Variants in IGFL2 observed in about 807,000 individuals in gnomAD.
IGFL2 encodes insulin growth factor-like family member 2.
A neutral mutation model predicts 13.9 loss-of-function variants in IGFL2; 7 were observed. The ratio of observed to expected loss-of-function variants is 0.51; its 90% CI spans 0.29 to 0.95. The LOEUF is 0.95. Among genes scored for constraint, IGFL2 ranks in the 40% least tolerant of loss-of-function variants. The pLI is 0.08. For synonymous variants in IGFL2, 55 were observed against 55.8 expected (o/e 0.99, Z 0.07); for missense variants, 138 against 147.8 (o/e 0.93, Z 0.34).
chr19:46,121,224 A>C, the IGFL2 span, among the ~76,000 whole-genome samples: 45 of 149,438 alleles, frequency 3.0e-4, 1 homozygote, highest in Admixed American at 5.3e-4. Flanking sequence ...CCAAAAAAAA[A>C]CCAAAAAACC....
At chr19:46,112,393 T>A in the IGFL2 span, among the ~76,000 whole-genome samples, 1 of 152,164 alleles carries the variant, frequency 6.6e-6, no homozygotes, top group Non-Finnish European at 1.5e-5. Context: ...GACCCTGTTT[T>A]TCCAATGAGA....
chr19:46,144,755 C>T (rs1042099649), upstream of IGFL2, among the ~76,000 whole-genome samples: 5 of 152,196 alleles, frequency 3.3e-5, no homozygotes, highest in South Asian at 6.2e-4. Flanking sequence ...CATGTAGTCA[C>T]GATCAAAATC....
chr19:46,105,565 T>C, the IGFL2 span, among the ~76,000 whole-genome samples: 95,886 of 151,930 alleles, frequency 0.63, 30,690 homozygotes, highest in Middle Eastern at 0.67. Context: ...TGTGGGAGGC[T>C]GGATTGAAGT....
the IGFL2 span, among the ~76,000 whole-genome samples, chr19:46,205,948 A>G: frequency 3.9e-5 from 6 of 152,310 alleles, no homozygotes; most frequent in Middle Eastern, 3.4e-3. Flanking sequence ...CCAGATGTGC[A>G]TTGGAGGTGA....
chr19:46,169,199 C>T, the IGFL2 span, among the ~76,000 whole-genome samples: 8 of 152,022 alleles, frequency 5.3e-5, no homozygotes, highest in Non-Finnish European at 1.2e-4. Context: ...GAGCATGACT[C>T]TATCTCTAAA....
chr19:46,188,709 C>T, the IGFL2 span, among the ~76,000 whole-genome samples: 1 of 152,208 alleles, frequency 6.6e-6, no homozygotes, highest in Non-Finnish European at 1.5e-5. Context: ...CATCTGACAG[C>T]ACTTCAGATG....
the IGFL2 span, among the ~76,000 whole-genome samples, chr19:46,086,026 G>A: frequency 1.3e-5 from 2 of 151,960 alleles, no homozygotes; most frequent in Non-Finnish European, 2.9e-5. Flanking sequence ...CTTTGTTTTT[G>A]TCTGACTAGG....
the IGFL2 span, among the ~76,000 whole-genome samples, chr19:46,177,931 G>A: frequency 6.6e-6 from 1 of 152,156 alleles, no homozygotes; most frequent in Non-Finnish European, 1.5e-5. Flanking sequence ...CACCCCTTGT[G>A]TTCAATCCCT....
intron 1 of IGFL2, chr19:46,160,120 C>T (rs1974067522): frequency 2.3e-6 from 1 of 440,130 alleles, no homozygotes; most frequent in Non-Finnish European, 4.2e-6. Flanking sequence ...TAATCTTTAA[C>T]AGCTGCTCCC....
At chr19:46,176,358 GAAGT>G in the IGFL2 span, among the ~76,000 whole-genome samples, 1 of 152,234 alleles carries the variant, frequency 6.6e-6, no homozygotes, top group East Asian at 1.9e-4. Context: ...GGAAACAGCA[GAAGT>G]AAGTAACAAG....
chr19:46,131,374 T>C, the IGFL2 span, among the ~76,000 whole-genome samples: 2 of 152,216 alleles, frequency 1.3e-5, no homozygotes, highest in Non-Finnish European at 1.5e-5. Context: ...CTCGACAATA[T>C]TTGTGCAGTC....
the IGFL2 span, among the ~76,000 whole-genome samples, chr19:46,175,102 C>G: frequency 6.6e-6 from 1 of 152,086 alleles, no homozygotes; most frequent in Non-Finnish European, 1.5e-5. Context: ...ATATATTCCT[C>G]CCAGAGAAGT....
the IGFL2 span, among the ~76,000 whole-genome samples, chr19:46,182,070 G>A: frequency 2.6e-5 from 4 of 152,152 alleles, no homozygotes; most frequent in South Asian, 2.1e-4. Flanking sequence ...GGTATTTTCA[G>A]TGGATAAAGA....
the IGFL2 span, among the ~76,000 whole-genome samples, chr19:46,118,002 T>C: frequency 6.6e-6 from 1 of 152,174 alleles, no homozygotes; most frequent in Admixed American, 6.5e-5. Flanking sequence ...GGGCTAATAA[T>C]CTACTGTTGA....
chr19:46,083,019 A>G, the IGFL2 span, among the ~76,000 whole-genome samples: 1 of 152,224 alleles, frequency 6.6e-6, no homozygotes, highest in Non-Finnish European at 1.5e-5. Context: ...TTTTATTGGC[A>G]ACTGTCCTAT....
At chr19:46,124,162 G>T in the IGFL2 span, 1 of 1,610,004 alleles carries the variant, frequency 6.2e-7, no homozygotes, top group Non-Finnish European at 8.5e-7. Flanking sequence ...AGCGTCTGGG[G>T]GCAGACATTG....
chr19:46,168,916 ATGTGTG>A, the IGFL2 span, among the ~76,000 whole-genome samples: 750 of 145,712 alleles, frequency 5.1e-3, 5 homozygotes, highest in African/African-American at 0.018. Flanking sequence ...GTGTGTGTGT[ATGTGTG>A]TGTGTGTGTG....
upstream of IGFL2, among the ~76,000 whole-genome samples, chr19:46,141,835 T>C (rs1486796761): frequency 6.6e-6 from 1 of 152,172 alleles, no homozygotes; most frequent in Non-Finnish European, 1.5e-5. Flanking sequence ...CTCCTGGGTA[T>C]TTGCCCAACC....
At chr19:46,083,594 GAA>G in the IGFL2 span, among the ~76,000 whole-genome samples, 3 of 152,104 alleles carry the variant, frequency 2.0e-5, no homozygotes, top group African/African-American at 7.2e-5. Flanking sequence ...CATTTTTCAA[GAA>G]AATATATTAC....
Sources: gnomAD v4.1 joint callset for allele counts (sites outside exome capture counted in the v4.1 genomes callset) on GRCh38, gnomAD v4.1.1 for gene constraint, MANE v1.5 for transcripts, NCBI Gene and HGNC (gene_info 2026-07-23, HGNC 2026-07-21) for gene names.